Variants in TAFA2 observed in about 807,000 individuals in gnomAD.
The protein encoded by TAFA2 is TAFA chemokine like family member 2.
In TAFA2, 7 loss-of-function variants were observed where a neutral mutation model predicts 18.8. That is an observed-to-expected ratio of 0.37 (90% CI 0.21 to 0.70). TAFA2 has a LOEUF of 0.70. Ranked by LOEUF, TAFA2 falls within the 30% of genes least tolerant of loss-of-function variation. The pLI, the probability that TAFA2 is intolerant of heterozygous loss-of-function variation, is 0.53. For synonymous variants in TAFA2, 60 were observed against 54.2 expected (o/e 1.11, Z -0.47); for missense variants, 122 against 158.1 (o/e 0.77, Z 1.23).
At chr12:61,798,960 T>G (rs554099013) in intron 2 of TAFA2, among the ~76,000 whole-genome samples, 1 of 152,186 alleles carries the variant, frequency 6.6e-6, no homozygotes, top group Non-Finnish European at 1.5e-5. Flanking sequence ...CAAGTGCCAA[T>G]AGTTTGAACT....
chr12:62,222,284 G>T (rs2136979370), intron 1 of TAFA2, among the ~76,000 whole-genome samples: 1 of 152,110 alleles, frequency 6.6e-6, no homozygotes, highest in African/African-American at 2.4e-5. Context: ...CCACCTACAT[G>T]TACCTTGTCC....
chr12:62,072,425 C>T (rs527645807), intron 1 of TAFA2, among the ~76,000 whole-genome samples: 3 of 151,118 alleles, frequency 2.0e-5, no homozygotes, highest in East Asian at 2.0e-4. Flanking sequence ...GCCAAGATCG[C>T]GCCACTGCAC....
At chr12:61,911,700 C>A (rs1378350425) in intron 1 of TAFA2, among the ~76,000 whole-genome samples, 1 of 152,090 alleles carries the variant, frequency 6.6e-6, no homozygotes, top group African/African-American at 2.4e-5. Context: ...AAGGAAGCAT[C>A]AGGTCTGGAC....
chr12:62,035,914 G>T (rs1202684836), intron 1 of TAFA2, among the ~76,000 whole-genome samples: 1 of 151,128 alleles, frequency 6.6e-6, no homozygotes, highest in Non-Finnish European at 1.5e-5. Context: ...GCTAATTTTT[G>T]TATTTTTAGT....
At chr12:62,084,946 A>G (rs772879322) in intron 1 of TAFA2, among the ~76,000 whole-genome samples, 52 of 152,124 alleles carry the variant, frequency 3.4e-4, no homozygotes, top group Non-Finnish European at 5.4e-4. Context: ...ATCATAATGA[A>G]AAGAAAAAAT....
intron 1 of TAFA2, among the ~76,000 whole-genome samples, chr12:61,871,759 T>C (rs1426301167): frequency 6.6e-6 from 1 of 152,184 alleles, no homozygotes; most frequent in Non-Finnish European, 1.5e-5. Context: ...TTTAGACTTT[T>C]GGATTATTTG....
chr12:61,938,107 A>C (rs1877845443), intron 1 of TAFA2, among the ~76,000 whole-genome samples: 1 of 152,120 alleles, frequency 6.6e-6, no homozygotes, highest in African/African-American at 2.4e-5. Flanking sequence ...GTGAGATACC[A>C]CCTTACCCTG....
intron 2 of TAFA2, among the ~76,000 whole-genome samples, chr12:61,821,208 A>AG (rs1203407356): frequency 1.3e-5 from 2 of 151,462 alleles, no homozygotes; most frequent in African/African-American, 4.9e-5. Context: ...CATCTACACT[A>AG]ATTGCTGTAC....
intron 1 of TAFA2, among the ~76,000 whole-genome samples, chr12:61,930,081 A>G (rs902801290): frequency 6.6e-6 from 1 of 152,186 alleles, no homozygotes; most frequent in South Asian, 2.1e-4. Context: ...GGCGCAGCAC[A>G]CCAACATGGC....
At chr12:61,741,240 C>A (rs899641686) in intron 4 of TAFA2, among the ~76,000 whole-genome samples, 4 of 150,250 alleles carry the variant, frequency 2.7e-5, no homozygotes, top group Non-Finnish European at 5.9e-5. Flanking sequence ...CAAATTATCT[C>A]CCTTCCCCTG....
intron 1 of TAFA2, among the ~76,000 whole-genome samples, chr12:62,142,265 TG>T (rs949918414): frequency 2.6e-5 from 4 of 152,310 alleles, no homozygotes; most frequent in Admixed American, 6.5e-5. Context: ...ATGCTCTGCC[TG>T]GCCCACAGCA....
chr12:62,059,182 C>G (rs1029781501), intron 1 of TAFA2, among the ~76,000 whole-genome samples: 6 of 77,822 alleles, frequency 7.7e-5, no homozygotes, highest in African/African-American at 3.0e-4. Flanking sequence ...TCTGAGTGTT[C>G]TGGCATGAGC....
At chr12:62,075,307 T>C (rs1882733035) in intron 1 of TAFA2, among the ~76,000 whole-genome samples, 1 of 152,174 alleles carries the variant, frequency 6.6e-6, no homozygotes, top group Admixed American at 6.5e-5. Flanking sequence ...CTAAAATCAG[T>C]TATTCTTCTG....
At chr12:61,952,672 C>T (rs925928868) in intron 1 of TAFA2, among the ~76,000 whole-genome samples, 1 of 152,078 alleles carries the variant, frequency 6.6e-6, no homozygotes, top group Non-Finnish European at 1.5e-5. Context: ...CTTCATGTAT[C>T]TATACCGTAG....
At chr12:61,747,246 A>G (rs1277386111) in intron 4 of TAFA2, among the ~76,000 whole-genome samples, 1 of 149,060 alleles carries the variant, frequency 6.7e-6, no homozygotes, top group Non-Finnish European at 1.5e-5. Context: ...GAGAAATAGG[A>G]ACACTTTTAC....
At chr12:61,817,819 G>C (rs1872146995) in intron 2 of TAFA2, among the ~76,000 whole-genome samples, 1 of 152,152 alleles carries the variant, frequency 6.6e-6, no homozygotes, top group Admixed American at 6.5e-5. Flanking sequence ...ACACAATTCA[G>C]TGGTCTCCTC....
At chr12:61,944,353 G>A (rs1878171636) in intron 1 of TAFA2, among the ~76,000 whole-genome samples, 1 of 148,806 alleles carries the variant, frequency 6.7e-6, no homozygotes, top group East Asian at 2.0e-4. Flanking sequence ...GAGAAAGCAG[G>A]AAAGATCCAA....
intron 1 of TAFA2, among the ~76,000 whole-genome samples, chr12:62,094,245 T>C (rs1056269454): frequency 1.3e-5 from 2 of 152,014 alleles, no homozygotes; most frequent in East Asian, 1.9e-4. Context: ...GAAAACCAAA[T>C]ATTGTGTGTT....
chr12:61,879,377 C>T, intron 1 of TAFA2: 1 of 750,480 alleles, frequency 1.3e-6, no homozygotes, highest in Non-Finnish European at 2.3e-6. Context: ...CCCGGGCCTT[C>T]AGCAGCCGCT....
Sources: allele counts gnomAD v4.1 joint callset (sites outside exome capture counted in the v4.1 genomes callset), GRCh38; gene constraint gnomAD v4.1.1; transcripts MANE v1.5; gene names NCBI Gene and HGNC (gene_info 2026-07-23, HGNC 2026-07-21).